POLK: variants seen among roughly 807,000 people sequenced by gnomAD.
The protein encoded by POLK is DNA polymerase kappa.
A neutral mutation model predicts 94.0 loss-of-function variants in POLK; 76 were observed. The ratio of observed to expected loss-of-function variants is 0.81; its 90% CI spans 0.67 to 0.98. POLK has a LOEUF of 0.98. Ranked by LOEUF, POLK falls within the 50% of genes least tolerant of loss-of-function variation. The pLI is 0.00. For missense variants in POLK, 954 were observed against 1,010.1 expected (o/e 0.94, Z 0.75); for synonymous variants, 349 against 325.4 (o/e 1.07, Z -0.78).
chr5:75,557,368 G>C lies in POLK; in HGVS notation c.255+4777G>C, dbSNP rs180934012. 7.9e-5 allele frequency among the ~76,000 whole-genome samples: 12 copies of C among 152,318 alleles called. No homozygotes were observed. The East Asian group carries it at 2.3e-3, about 29-fold the overall frequency. The stretch of plus-strand genomic sequence containing the variant: ...TCAGTTTGTTGACATCCACAAAATA[G>C]CTTGCTGGGATTTTGACTAGGATTG... On this transcript the variant is annotated intron_variant, in intron 3 of 14. Coordinates refer to ENST00000241436, the Ensembl canonical transcript of POLK.
At position 75,523,629 on chromosome 5, in the gene POLK, C is replaced by T. The variant is rs145003901; in HGVS notation, c.-14+11715C>T. Among the ~76,000 whole-genome samples, 357 of 152,276 alleles carry T rather than the reference C, an allele frequency of 2.3e-3. 5 individuals carry two copies. The highest frequency in any genetic ancestry group is 0.019 in the Admixed American group (293 of 15,300). ...GTTTTGTGATTAAGTTAAACAGGTACATGATTCAAGCAGTAGGTTTTGTAG... is the reference window on the plus strand; with the variant it reads ...GTTTTGTGATTAAGTTAAACAGGTATATGATTCAAGCAGTAGGTTTTGTAG... On this transcript the variant is annotated intron_variant, in intron 1 of 14. Transcript: ENST00000241436.
chr5:75,552,051 C>T (rs929103427), intron 2 of POLK, among the ~76,000 whole-genome samples: 1 of 152,122 alleles, frequency 6.6e-6, no homozygotes, highest in Admixed American at 6.6e-5. Flanking sequence ...TCTACATTTT[C>T]TTTAATGACT....
Position 75,542,608 on chromosome 5 carries a change from CAT to C in POLK, c.-13-4398_-13-4397del, listed in dbSNP as rs1375543672. 2.0e-5 allele frequency among the ~76,000 whole-genome samples: 3 copies of C among 149,874 alleles called. No individual in the cohort carries two copies. In the Admixed American group the frequency reaches 2.0e-4, roughly 10 times the overall value. The stretch of plus-strand genomic sequence containing the variant: ...ATATATGTGTGTGTGTGTATATACA[CAT>C]ATACACATATATATACACATATATA... On this transcript the variant is annotated intron_variant, in intron 1 of 14. Coordinates refer to ENST00000241436, the Ensembl canonical transcript of POLK.
chr5:75,581,607 T>C, intron 7 of POLK, 159 bp downstream of exon 7: 1 of 622,874 alleles, frequency 1.6e-6, no homozygotes, highest in South Asian at 2.1e-5. Flanking sequence ...AGAATAGCTG[T>C]GAACCTAGTA....
chr5:75,511,255 C>T (rs1220560137), upstream of POLK: 1 of 1,602,550 alleles, frequency 6.2e-7, no homozygotes, highest in Non-Finnish European at 8.5e-7. Context: ...CCCTCAGCTG[C>T]GCCGGAGGAG....
At chr5:75,535,644 G>C (rs185720716) in intron 1 of POLK, among the ~76,000 whole-genome samples, 4 of 152,078 alleles carry the variant, frequency 2.6e-5, no homozygotes, top group Non-Finnish European at 5.9e-5. Flanking sequence ...GTTTTGTTCA[G>C]TCTTCTTTAT....
chr5:75,596,596 A>G (rs775841271), exon 13 of POLK: 1 of 1,613,972 alleles, frequency 6.2e-7, no homozygotes, highest in Admixed American at 1.7e-5. Flanking sequence ...AGGGTGCATC[A>G]GTCTGGAAGC....
the POLK span, chr5:75,609,690 C>A: frequency 6.6e-6 from 1 of 152,148 alleles, no homozygotes; most frequent in Admixed American, 6.6e-5. Context: ...ATTCAACTTA[C>A]CTGCTATTGT....
downstream of POLK, chr5:75,601,201 A>G (rs989891188): frequency 6.6e-6 from 1 of 152,208 alleles, no homozygotes; most frequent in Non-Finnish European, 1.5e-5. Context: ...GCTAATTTCA[A>G]TCGAGAAAAA....
chr5:75,587,941 A>C (rs1772558752), intron 10 of POLK, among the ~76,000 whole-genome samples: 1 of 152,058 alleles, frequency 6.6e-6, no homozygotes, highest in South Asian at 2.1e-4. Context: ...AAGACAAAAC[A>C]AAACACTGAC....
chr5:75,521,675 A>G (rs945363110), intron 1 of POLK, among the ~76,000 whole-genome samples: 2 of 152,114 alleles, frequency 1.3e-5, no homozygotes, highest in African/African-American at 4.8e-5. Context: ...TTTGCATTGA[A>G]ACATTATTTA....
At chr5:75,539,850 A>G (rs546940778) in intron 1 of POLK, among the ~76,000 whole-genome samples, 6 of 152,230 alleles carry the variant, frequency 3.9e-5, no homozygotes, top group African/African-American at 1.4e-4. Context: ...TTATTCTTTT[A>G]AATTAGTGAT....
rs139199870 is a variant in POLK at position 75,572,439 on chromosome 5, G to C, written c.409-1299G>C. ...CCAAAATCCCAAATAGACCAAATTCGAAAAGTTTACTATTATACTATACTA... is the reference window on the plus strand; with the variant it reads ...CCAAAATCCCAAATAGACCAAATTCCAAAAGTTTACTATTATACTATACTA... On this transcript the variant is annotated intron_variant, in intron 4 of 14. Coordinates refer to ENST00000241436, the Ensembl canonical transcript of POLK. Among the ~76,000 whole-genome samples, 317 of 151,906 alleles carry C rather than the reference G, an allele frequency of 2.1e-3. 1 individual carries two copies. In the East Asian group the frequency reaches 0.027, roughly 13 times the overall value.
downstream of POLK, among the ~76,000 whole-genome samples, chr5:75,601,526 G>T (rs1356810162): frequency 5.3e-5 from 8 of 152,216 alleles, no homozygotes; most frequent in African/African-American, 1.2e-4. Context: ...CAATCTGGTT[G>T]TGCACCATCT....
rs559094450 is a variant in POLK at position 75,584,263 on chromosome 5, A to G, written c.1060-497A>G. Among the ~76,000 whole-genome samples the G allele has an allele frequency of 5.9e-5, 9 of 152,334 alleles. No individual in the cohort carries two copies. The South Asian group carries it at 1.9e-3, about 32-fold the overall frequency. On this transcript the variant is annotated intron_variant, in intron 8 of 14. Transcript: ENST00000241436. The stretch of plus-strand genomic sequence containing the variant: ...GTCAATCCCACCATTCCCCAAGTTT[A>G]TATGACAACAGCACTCCTTTTTTAA...
chr5:75,586,753 G>GAAAT (rs1318979138), intron 9 of POLK, among the ~76,000 whole-genome samples: 4 of 148,014 alleles, frequency 2.7e-5, no homozygotes, highest in Non-Finnish European at 4.4e-5. Flanking sequence ...GTTTTTGATA[G>GAAAT]TCAGGTTTTT....
rs377042730 is a variant in POLK, at chr5:75,578,498, A to G, written c.694+1565A>G. 2.2e-4 allele frequency among the ~76,000 whole-genome samples: 33 copies of G among 152,292 alleles called. 1 individual carries two copies. The East Asian group carries it at 6.4e-3, about 29-fold the overall frequency. On this transcript the variant is annotated intron_variant, in intron 6 of 14. Transcript: ENST00000241436. Reference sequence around the variant, plus strand: ...ATTTATTATAATGTCCAAACTCACTATGAATATGTGAATTTTTAATATCTA... The same window carrying G: ...ATTTATTATAATGTCCAAACTCACTGTGAATATGTGAATTTTTAATATCTA...
chr5:75,511,748 C>G, upstream of POLK: 2 of 1,551,026 alleles, frequency 1.3e-6, no homozygotes, highest in Non-Finnish European at 1.7e-6. Flanking sequence ...GATCCTCCTC[C>G]CGAACCCTAC....
exon 15 of POLK, chr5:75,598,883 TA>T: frequency 6.6e-6 from 1 of 152,222 alleles, no homozygotes; most frequent in African/African-American, 2.4e-5. Flanking sequence ...GAAGACAGCT[TA>T]ATAGTAGTTA....
Sources: gnomAD v4.1 joint callset for allele counts (sites outside exome capture counted in the v4.1 genomes callset) on GRCh38, gnomAD v4.1.1 for gene constraint, MANE v1.5 for transcripts, NCBI Gene and HGNC (gene_info 2026-07-23, HGNC 2026-07-21) for gene names.